Variants in CXCL14 observed in about 807,000 individuals in gnomAD.
CXCL14 encodes the protein C-X-C motif chemokine 14.
CXCL14 carries 9 observed loss-of-function variants against 16.1 expected under a neutral mutation model. That is an observed-to-expected ratio of 0.56 (90% CI 0.34 to 0.97). The LOEUF (loss-of-function observed/expected upper bound fraction) is 0.97. Among genes scored for constraint, CXCL14 ranks in the 50% least tolerant of loss-of-function variants. The probability of loss-of-function intolerance (pLI) is 0.02; values close to 1 mark genes in which losing one functional copy is unlikely to be tolerated. For synonymous variants in CXCL14, 55 were observed against 52.8 expected, an observed-to-expected ratio of 1.04 and a Z score of -0.18; for missense variants, 111 against 132.5, an observed-to-expected ratio of 0.84 and a Z score of 0.80.
chr5:135,578,817 G>A lies in CXCL14; in HGVS notation c.-39C>T, dbSNP rs1355016212. 2 of 1,516,614 alleles carry A rather than the reference G, an allele frequency of 1.3e-6. No individual in the cohort carries two copies. The highest frequency in any genetic ancestry group is 1.4e-5 in the African/African-American group (1 of 70,728). The allele number at this position is 1,516,614 out of a possible 1,614,324, so 93.9% of individuals were successfully genotyped here. A position where few individuals can be genotyped will look rare whatever the true frequency, so the allele number is the denominator to read the frequency against. On this transcript the variant is annotated 5_prime_UTR_variant, in exon 1 of 4. Transcript: ENST00000512158. ...GCGCGGCGTGGGAGCAGGGACATGG[G>A]GAGGGCGCTGGCCCGTCGGAGCGGC... is the stretch of plus-strand genomic sequence containing the variant.
chr5:135,571,785 T>TTTTTTTGAA lies in CXCL14; in HGVS notation c.*67_*68insTTCAAAAAA. The TTTTTTTGAA allele has an allele frequency of 2.4e-6, 1 of 412,548 alleles. No homozygotes were observed. The highest frequency in any genetic ancestry group is 5.1e-5 in the East Asian group (1 of 19,582). 25.6% of individuals were successfully genotyped at this position (412,548 alleles called of 1,614,324 possible). ...TTTTTTTTTTTTTTTTTTTTTTTTTTAATCTGCAAAGTCCTTTGCACAAGT... is the reference window on the plus strand; with the variant it reads ...TTTTTTTTTTTTTTTTTTTTTTTTTTTTTTTTGAAAATCTGCAAAGTCCTTTGCACAAGT... On this transcript the variant is annotated 3_prime_UTR_variant, in exon 4 of 4. Coordinates refer to ENST00000512158, the MANE Select transcript of CXCL14 (RefSeq NM_004887.5).
chr5:135,578,311 C>T (rs1264404777), intron 2 of CXCL14, 123 bp downstream of exon 2: 3 of 810,530 alleles, frequency 3.7e-6, no homozygotes, highest in Non-Finnish European at 6.1e-6. Flanking sequence ...ATTACAAAGG[C>T]TTTTCCAGGG....
intron 3 of CXCL14, among the ~76,000 whole-genome samples, chr5:135,574,329 T>G (rs929980631): frequency 1.3e-5 from 2 of 152,262 alleles, no homozygotes; most frequent in Non-Finnish European, 1.5e-5. Flanking sequence ...GACTTTAGTT[T>G]ACAAAATGAC....
At chr5:135,572,730 C>T (rs1229805535) in intron 3 of CXCL14, among the ~76,000 whole-genome samples, 1 of 152,214 alleles carries the variant, frequency 6.6e-6, no homozygotes, top group Non-Finnish European at 1.5e-5. Context: ...CCTGGAAGCT[C>T]TGGTCTCTGA....
At chr5:135,573,704 G>A (rs1349864181) in intron 3 of CXCL14, among the ~76,000 whole-genome samples, 1 of 144,464 alleles carries the variant, frequency 6.9e-6, no homozygotes, top group Non-Finnish European at 1.5e-5. Context: ...GTGTGTGCAT[G>A]CATGCGTGTG....
At chr5:135,573,471 T>C (rs1751053598) in intron 3 of CXCL14, among the ~76,000 whole-genome samples, 1 of 151,906 alleles carries the variant, frequency 6.6e-6, no homozygotes. Flanking sequence ...GAGCTTGGGG[T>C]AGCATGGCTG....
intron 3 of CXCL14, 89 bp from the exon 4 acceptor site, chr5:135,571,957 G>T: frequency 1.5e-6 from 2 of 1,346,912 alleles, no homozygotes; most frequent in Non-Finnish European, 2.1e-6. Flanking sequence ...TTCACGTCTG[G>T]TCTGCAGGGA....
At chr5:135,572,056 A>G (rs865809610) in intron 3 of CXCL14, among the ~76,000 whole-genome samples, 188 bp from the exon 4 acceptor site, 1 of 152,014 alleles carries the variant, frequency 6.6e-6, no homozygotes, top group Admixed American at 6.6e-5. Flanking sequence ...GAAAACTCAC[A>G]CCAGTGTGGC....
intron 3 of CXCL14, among the ~76,000 whole-genome samples, chr5:135,573,357 TATTTCAAGCAACTGCAG>T (rs1751052791): frequency 6.6e-6 from 1 of 152,234 alleles, no homozygotes. Flanking sequence ...CATCACTTTC[TATTTCAAGCAACTGCAG>T]ATGAGGCTGT....
chr5:135,578,364 G>T, intron 2 of CXCL14, 70 bp downstream of exon 2: 3 of 1,329,078 alleles, frequency 2.3e-6, no homozygotes, highest in Non-Finnish European at 2.2e-6. Flanking sequence ...CCCGACCCAG[G>T]CCCAGGCTGT....
At chr5:135,577,058 T>C (rs1293686453) in intron 2 of CXCL14, among the ~76,000 whole-genome samples, 1 of 152,182 alleles carries the variant, frequency 6.6e-6, no homozygotes, top group African/African-American at 2.4e-5. Context: ...CTATAGTTTT[T>C]CTCTATATGT....
chr5:135,571,970 G>T, intron 3 of CXCL14, 102 bp from the exon 4 acceptor site: 3 of 1,202,434 alleles, frequency 2.5e-6, no homozygotes, highest in East Asian at 2.4e-5. Context: ...TGCAGGGAAT[G>T]CCCCTGTCCC....
At chr5:135,577,578 C>T (rs1453929241) in intron 2 of CXCL14, among the ~76,000 whole-genome samples, 3 of 152,192 alleles carry the variant, frequency 2.0e-5, no homozygotes, top group Admixed American at 1.3e-4. Flanking sequence ...GGCACTTGCC[C>T]AGACTGAGAA....
At chr5:135,578,560 AC>A (rs773327721) in intron 1 of CXCL14, 21 bp from the exon 2 acceptor site, 1 of 1,611,908 alleles carries the variant, frequency 6.2e-7, no homozygotes, top group South Asian at 1.1e-5. Flanking sequence ...GCGCGGGGCA[AC>A]GGCTTAGTTG....
Position 135,578,857 on chromosome 5 carries a change from A to C in CXCL14, c.-79T>G. On this transcript the variant is annotated 5_prime_UTR_variant, in exon 1 of 4. Coordinates refer to ENST00000512158, the MANE Select transcript of CXCL14 (RefSeq NM_004887.5). ...GTCGGAGCGGCGGCCCGGAGACGCCACCCAGCTCTGCTCGGCTTTCTCTGC... is the reference window on the plus strand; with the variant it reads ...GTCGGAGCGGCGGCCCGGAGACGCCCCCCAGCTCTGCTCGGCTTTCTCTGC... 7.1e-7 allele frequency: 1 copy of C among 1,410,038 alleles called. No homozygotes were observed. The highest frequency in any genetic ancestry group is 9.3e-7 in the Non-Finnish European group (1 of 1,074,096). The allele number at this position is 1,410,038 out of a possible 1,614,324, so 87.3% of individuals were successfully genotyped here.
At chr5:135,578,361 C>A in intron 2 of CXCL14, 73 bp downstream of exon 2, 1 of 1,297,604 alleles carries the variant, frequency 7.7e-7, no homozygotes, top group Non-Finnish European at 1.1e-6. Context: ...TAGCCCGACC[C>A]AGGCCCAGGC....
Position 135,571,323 on chromosome 5 carries a change from C to G in CXCL14, c.*530G>C, listed in dbSNP as rs1022294064. On this transcript the variant is annotated 3_prime_UTR_variant, in exon 4 of 4. Transcript: ENST00000512158. Reference sequence around the variant, plus strand: ...GCAGAGAGACCTGCTCCTGCTTGCCCGGCTACAGGGGCCACTGTGGAGTCA... The same window carrying G: ...GCAGAGAGACCTGCTCCTGCTTGCCGGGCTACAGGGGCCACTGTGGAGTCA... 6.5e-6 allele frequency: 1 copy of G among 152,672 alleles called. No individual in the cohort carries two copies. 9.5% of individuals were successfully genotyped at this position (152,672 alleles called of 1,614,324 possible).
At chr5:135,574,841 G>A (rs374759141) in intron 2 of CXCL14, among the ~76,000 whole-genome samples, 156 bp from the exon 3 acceptor site, 1 of 152,180 alleles carries the variant, frequency 6.6e-6, no homozygotes, top group African/African-American at 2.4e-5. Flanking sequence ...TCACTTCCAA[G>A]CTGGCTCTTT....
rs538862775 is a variant in CXCL14 at position 135,578,245 on chromosome 5, C to T, written c.170+189G>A. Among the ~76,000 whole-genome samples, 4 of 152,296 alleles carry T rather than the reference C, an allele frequency of 2.6e-5. No homozygotes were observed. The South Asian group carries it at 8.3e-4, about 32-fold the overall frequency. On this transcript the variant is annotated intron_variant, in intron 2 of 3. Coordinates refer to ENST00000512158, the MANE Select transcript of CXCL14 (RefSeq NM_004887.5). Reference sequence around the variant, plus strand: ...CTGTTCCGGAGCGGGACAGTGACCCCCCTTCCCGACTGTCTTCCAGAGTGT... The same window carrying T: ...CTGTTCCGGAGCGGGACAGTGACCCTCCTTCCCGACTGTCTTCCAGAGTGT...
Sources: gnomAD v4.1 joint callset for allele counts (sites outside exome capture counted in the v4.1 genomes callset) on GRCh38, gnomAD v4.1.1 for gene constraint, MANE v1.5 for transcripts, NCBI Gene and HGNC (gene_info 2026-07-23, HGNC 2026-07-21) for gene names.